Variants in BMPR2 observed in about 807,000 individuals in gnomAD.
The protein encoded by BMPR2 is bone morphogenetic protein receptor type-2.
Under a neutral mutation model 100.8 loss-of-function variants are expected in BMPR2, and 29 were observed. The observed-to-expected ratio is 0.29, with a 90% confidence interval of 0.21 to 0.39. The LOEUF is 0.39. Ranked by LOEUF, BMPR2 falls within the 10% of genes least tolerant of loss-of-function variation. The pLI is 1.00. For synonymous variants in BMPR2, 382 were observed against 442.3 expected, an observed-to-expected ratio of 0.86 and a Z score of 1.71; for missense variants, 1,011 against 1,274.5, an observed-to-expected ratio of 0.79 and a Z score of 3.15.
Position 202,377,040 on chromosome 2 carries a change from C to G in BMPR2, c.-435C>G, listed in dbSNP as rs1690161518. On this transcript the variant is annotated 5_prime_UTR_variant, in exon 1 of 13. Transcript: ENST00000374580. ...GCCGCCCGTCCGGCTTCGTCCTTCC[C>G]GGCAGTCGGGAACTAGTTCTGACCC... 5 of 466,934 alleles carry G rather than the reference C, an allele frequency of 1.1e-5. No homozygotes were observed. The highest frequency in any genetic ancestry group is 1.9e-5 in the Non-Finnish European group (5 of 266,962). 28.9% of individuals were successfully genotyped at this position (466,934 alleles called of 1,614,324 possible).
chr2:202,450,467 G>A (rs1444118667), intron 1 of BMPR2, among the ~76,000 whole-genome samples: 1 of 152,140 alleles, frequency 6.6e-6, no homozygotes, highest in African/African-American at 2.4e-5. Context: ...CGAGGCAGGT[G>A]GATCACCTGA....
intron 3 of BMPR2, among the ~76,000 whole-genome samples, chr2:202,505,540 A>G (rs2105995368): frequency 6.6e-6 from 1 of 151,976 alleles, no homozygotes; most frequent in Non-Finnish European, 1.5e-5. Flanking sequence ...AACTTTTGTA[A>G]CCACTTGCTT....
chr2:202,465,732 C>A (rs149895520), intron 2 of BMPR2, among the ~76,000 whole-genome samples: 1 of 152,190 alleles, frequency 6.6e-6, no homozygotes, highest in African/African-American at 2.4e-5. Context: ...GTGGCGGGCG[C>A]CTGTAGTCCC....
chr2:202,408,079 C>T (rs557559586), intron 1 of BMPR2, among the ~76,000 whole-genome samples: 6 of 152,090 alleles, frequency 3.9e-5, no homozygotes, highest in South Asian at 2.1e-4. Flanking sequence ...GTGATCTGCC[C>T]GCCTCTGCCT....
intron 1 of BMPR2, among the ~76,000 whole-genome samples, chr2:202,392,852 C>T (rs898964392): frequency 6.6e-6 from 1 of 151,940 alleles, no homozygotes; most frequent in African/African-American, 2.4e-5. Flanking sequence ...ATTAGCCGGG[C>T]GTGGTGGCAC....
At chr2:202,477,580 GA>G (rs1336899095) in intron 3 of BMPR2, among the ~76,000 whole-genome samples, 2 of 152,130 alleles carry the variant, frequency 1.3e-5, no homozygotes, top group African/African-American at 4.8e-5. Flanking sequence ...ACAAGGTCAG[GA>G]GTTTGAGACC....
rs867712810 is a variant in BMPR2 at position 202,444,609 on chromosome 2, G to A, written c.77-20200G>A. On this transcript the variant is annotated intron_variant, in intron 1 of 12. Transcript: ENST00000374580. ...TTGAAATGTTTTGTGGAGGTCACTAGTGATTTTTAGAACACTATACATGTA... is the reference window on the plus strand; with the variant it reads ...TTGAAATGTTTTGTGGAGGTCACTAATGATTTTTAGAACACTATACATGTA... 5.3e-5 allele frequency among the ~76,000 whole-genome samples: 8 copies of A among 150,650 alleles called. 1 individual carries two copies. The highest frequency in any genetic ancestry group is 1.5e-4 in the African/African-American group (6 of 39,986).
intron 1 of BMPR2, among the ~76,000 whole-genome samples, chr2:202,451,684 A>C (rs908255332): frequency 1.1e-4 from 16 of 152,166 alleles, no homozygotes; most frequent in Admixed American, 4.6e-4. Flanking sequence ...GGGGGACAAG[A>C]ACGAGACTCT....
intron 7 of BMPR2, among the ~76,000 whole-genome samples, chr2:202,527,509 G>T (rs1434236799): frequency 7.0e-6 from 1 of 142,832 alleles, no homozygotes. Flanking sequence ...AAATAGGCCG[G>T]GCGCGGTGGC....
intron 1 of BMPR2, among the ~76,000 whole-genome samples, chr2:202,430,038 A>T (rs972175607): frequency 1.3e-5 from 2 of 152,204 alleles, no homozygotes; most frequent in African/African-American, 2.4e-5. Context: ...CTTTCTTCCA[A>T]TGTGGAGGCT....
intron 7 of BMPR2, among the ~76,000 whole-genome samples, chr2:202,528,587 A>G (rs532650336): frequency 2.6e-5 from 4 of 152,370 alleles, no homozygotes; most frequent in Admixed American, 1.3e-4. Flanking sequence ...AACCTACTGA[A>G]CATCATAGCT....
At chr2:202,543,344 A>T (rs1027416156) in intron 10 of BMPR2, among the ~76,000 whole-genome samples, 2 of 150,308 alleles carry the variant, frequency 1.3e-5, no homozygotes, top group African/African-American at 4.9e-5. Context: ...AACACTGAAA[A>T]CATCTTACAA....
chr2:202,417,879 C>T (rs1402237874), intron 1 of BMPR2, among the ~76,000 whole-genome samples: 4 of 151,992 alleles, frequency 2.6e-5, no homozygotes, highest in Admixed American at 6.6e-5. Flanking sequence ...CCACCACGCC[C>T]GGCTAATTTT....
At chr2:202,472,989 G>A (rs1692466740) in intron 3 of BMPR2, among the ~76,000 whole-genome samples, 1 of 152,138 alleles carries the variant, frequency 6.6e-6, no homozygotes, top group African/African-American at 2.4e-5. Flanking sequence ...AATATCAAAT[G>A]TCAGACATTT....
At chr2:202,526,179 T>C (rs967293869) in intron 7 of BMPR2, among the ~76,000 whole-genome samples, 1 of 152,174 alleles carries the variant, frequency 6.6e-6, no homozygotes, top group Non-Finnish European at 1.5e-5. Context: ...AGCATCTCTT[T>C]AATACGTTTG....
chr2:202,533,677 G>T (rs774027582), intron 9 of BMPR2, among the ~76,000 whole-genome samples: 1 of 152,108 alleles, frequency 6.6e-6, no homozygotes, highest in Non-Finnish European at 1.5e-5. Context: ...ACAAAAATTA[G>T]CCAGGCGTGG....
At chr2:202,507,803 G>C (rs556873521) in intron 3 of BMPR2, among the ~76,000 whole-genome samples, 1 of 150,416 alleles carries the variant, frequency 6.6e-6, no homozygotes, top group South Asian at 2.1e-4. Flanking sequence ...GGGTTCAAGC[G>C]ATTCTCCTGC....
rs1158677195 is a variant in BMPR2, at chr2:202,495,549, G to A, written c.419-18170G>A. Among the ~76,000 whole-genome samples the A allele has an allele frequency of 6.6e-6, 1 of 152,104 alleles. No homozygotes were observed. The highest frequency in any genetic ancestry group is 1.5e-5 in the Non-Finnish European group (1 of 68,038). ...TCGGGTTTTTATAGGCCCAGGATGG[G>A]GACATGGCGGGTCCGGGTGGTCTTG... On this transcript the variant is annotated intron_variant, in intron 3 of 12. Transcript: ENST00000374580. The surrounding 1 kb of genome is among the most constrained non-coding windows in gnomAD (Gnocchi z 4.5).
At chr2:202,521,004 A>G (rs1687810374) in intron 7 of BMPR2, 1 of 154,250 alleles carries the variant, frequency 6.5e-6, no homozygotes, top group Non-Finnish European at 1.5e-5. Context: ...TCCAATAAAG[A>G]CTGTTTATTC....
Sources: allele counts gnomAD v4.1 joint callset (sites outside exome capture counted in the v4.1 genomes callset), GRCh38; gene constraint gnomAD v4.1.1; non-coding constraint Gnocchi (gnomAD v3.1); transcripts MANE v1.5; gene names NCBI Gene and HGNC (gene_info 2026-07-23, HGNC 2026-07-21).